Variants in SLC4A4 observed in about 807,000 individuals in gnomAD.
SLC4A4 encodes the protein solute carrier family 4 member 4.
A neutral mutation model predicts 111.5 loss-of-function variants in SLC4A4; 27 were observed. The observed-to-expected ratio is 0.24, with a 90% CI of 0.18 to 0.33. SLC4A4 has a LOEUF of 0.33. SLC4A4 is among the 10% of genes least tolerant of loss of function. The pLI is 1.00. For missense variants in SLC4A4, 909 were observed against 1,315.5 expected, an observed-to-expected ratio of 0.69 and a Z score of 4.78; for synonymous variants, 443 against 463.4, an observed-to-expected ratio of 0.96 and a Z score of 0.57.
At chr4:71,523,327 G>A (rs1351387840) in intron 16 of SLC4A4, among the ~76,000 whole-genome samples, 2 of 152,070 alleles carry the variant, frequency 1.3e-5, no homozygotes, top group Non-Finnish European at 2.9e-5. Context: ...AGTCAAATTT[G>A]TTTTTAATCC....
At chr4:71,376,191 A>ACC in intron 6 of SLC4A4, among the ~76,000 whole-genome samples, 1 of 150,158 alleles carries the variant, frequency 6.7e-6, no homozygotes, top group Non-Finnish European at 1.5e-5. Context: ...ACACACACAC[A>ACC]CATATATATG....
intron 16 of SLC4A4, among the ~76,000 whole-genome samples, chr4:71,524,957 T>G (rs1449634343): frequency 6.6e-6 from 1 of 152,072 alleles, no homozygotes. Context: ...GCCCTTTCCC[T>G]CCAGTTAATT....
chr4:71,332,491 C>A (rs916626160), intron 3 of SLC4A4, among the ~76,000 whole-genome samples: 2 of 148,308 alleles, frequency 1.3e-5, no homozygotes, highest in African/African-American at 5.0e-5. Context: ...GTCGCCCAGG[C>A]GGGAGTGCTG....
Position 71,447,718 on chromosome 4 carries a change from C to T in SLC4A4, c.1038C>T (p.Thr346=). 1 of 1,608,772 alleles carries T rather than the reference C, an allele frequency of 6.2e-7. No homozygotes were observed. Among genetic ancestry groups the T allele is most frequent in the Non-Finnish European group, 8.5e-7 (1 of 1,175,416 alleles). The change falls in exon 9 of 26, where the codon ACC becomes ACT. Residue 346 remains threonine (T), a synonymous_variant. Transcript: ENST00000264485. ...SYHEIGRAIA[T]LMSDEVFHDI... ...ACGAGATTGGCAGAGCCATTGCCAC[C>T]CTGATGTCTGATGAGGTAGGAAATC...
intron 3 of SLC4A4, among the ~76,000 whole-genome samples, chr4:71,307,032 C>T (rs775375626): frequency 2.6e-4 from 39 of 152,002 alleles, no homozygotes; most frequent in Non-Finnish European, 4.9e-4. Context: ...CTGTTTAATG[C>T]GCGGTAGGAA....
chr4:71,453,454 T>C (rs1725946587), intron 11 of SLC4A4, 41 bp from the exon 12 acceptor site: 1 of 1,577,368 alleles, frequency 6.3e-7, no homozygotes, highest in Admixed American at 1.7e-5. Flanking sequence ...TGATGGTAAT[T>C]TACTTTACAT....
At chr4:71,316,432 T>A (rs1560404361) in intron 3 of SLC4A4, among the ~76,000 whole-genome samples, 1 of 152,168 alleles carries the variant, frequency 6.6e-6, no homozygotes, top group Non-Finnish European at 1.5e-5. Flanking sequence ...AACATCTGTT[T>A]GACATATTTC....
chr4:71,500,649 T>C (rs1318094109), intron 16 of SLC4A4, among the ~76,000 whole-genome samples: 1 of 152,168 alleles, frequency 6.6e-6, no homozygotes, highest in Non-Finnish European at 1.5e-5. Flanking sequence ...TTATTGTATA[T>C]GGTATGAGAT....
chr4:71,090,243 A>G (rs866017644), intron 1 of SLC4A4, among the ~76,000 whole-genome samples: 2 of 152,144 alleles, frequency 1.3e-5, no homozygotes, highest in African/African-American at 4.8e-5. Context: ...AGACCATTGG[A>G]AAAGTGCAGT....
intron 8 of SLC4A4, among the ~76,000 whole-genome samples, chr4:71,442,752 T>C (rs1432099033): frequency 3.9e-5 from 6 of 152,208 alleles, no homozygotes; most frequent in Non-Finnish European, 8.8e-5. Context: ...GCTGCCATTA[T>C]TATGATTATT....
chr4:71,158,754 A>G (rs1255466719), intron 2 of SLC4A4, among the ~76,000 whole-genome samples: 1 of 152,094 alleles, frequency 6.6e-6, no homozygotes, highest in African/African-American at 2.4e-5. Flanking sequence ...TTTGCCACTC[A>G]TTGTGTTCGT....
chr4:71,485,881 A>G (rs1440001365), intron 14 of SLC4A4, among the ~76,000 whole-genome samples: 4 of 151,486 alleles, frequency 2.6e-5, no homozygotes, highest in Non-Finnish European at 5.9e-5. Context: ...GATTTTAGGG[A>G]AAAACAGTGA....
chr4:71,137,780 G>T (rs776156114), intron 2 of SLC4A4, among the ~76,000 whole-genome samples: 36 of 152,192 alleles, frequency 2.4e-4, no homozygotes, highest in Non-Finnish European at 5.0e-4. Context: ...GAAGTCCATT[G>T]TGTTAACTCA....
At chr4:71,131,689 G>A (rs1743711861) in intron 2 of SLC4A4, among the ~76,000 whole-genome samples, 1 of 152,212 alleles carries the variant, frequency 6.6e-6, no homozygotes, top group African/African-American at 2.4e-5. Context: ...ATGCCAGATT[G>A]TGATCAAGAG....
intron 3 of SLC4A4, among the ~76,000 whole-genome samples, chr4:71,272,384 G>A (rs1722760894): frequency 6.6e-6 from 1 of 152,188 alleles, no homozygotes; most frequent in South Asian, 2.1e-4. Context: ...TTGTAGATAA[G>A]GAAAGTGAGG....
In SLC4A4 at chr4:71,508,317, A is replaced by G. The variant is rs200810760; in HGVS notation, c.2166+10625A>G. On this transcript the variant is annotated intron_variant, in intron 16 of 25. Transcript: ENST00000264485. ...CAGGAGCTGGTTTTTTGAAAAAATT[A>G]ATAAAATACATAGGCCACTATCTAG... is the stretch of plus-strand genomic sequence containing the variant. Among the ~76,000 whole-genome samples the G allele has an allele frequency of 1.6e-4, 24 of 152,262 alleles. 1 individual carries two copies. The East Asian group carries it at 4.4e-3, about 28-fold the overall frequency.
intron 7 of SLC4A4, among the ~76,000 whole-genome samples, chr4:71,436,414 C>T (rs535041979): frequency 1.3e-5 from 2 of 152,062 alleles, no homozygotes; most frequent in East Asian, 1.9e-4. Context: ...GTCAGGGGGT[C>T]AGGGGTCATG....
At chr4:71,468,877 C>T (rs1043439061) in intron 13 of SLC4A4, among the ~76,000 whole-genome samples, 12 of 151,960 alleles carry the variant, frequency 7.9e-5, no homozygotes, top group Admixed American at 2.6e-4. Flanking sequence ...CTTTGTCTTG[C>T]CCAGATTTTC....
At chr4:71,336,521 G>A in intron 3 of SLC4A4, among the ~76,000 whole-genome samples, 1 of 152,154 alleles carries the variant, frequency 6.6e-6, no homozygotes, top group Non-Finnish European at 1.5e-5. Flanking sequence ...AGTCTTATCA[G>A]GAGTAGTTTG....
Sources: gnomAD v4.1 joint callset for allele counts (sites outside exome capture counted in the v4.1 genomes callset) on GRCh38, gnomAD v4.1.1 for gene constraint, MANE v1.5 for transcripts, NCBI Gene and HGNC (gene_info 2026-07-23, HGNC 2026-07-21) for gene names.